The following TGM6 variants were observed in gnomAD, a reference collection of about 807,000 sequenced individuals.
TGM6 encodes the protein protein-glutamine gamma-glutamyltransferase 6.
TGM6 carries 74 observed loss-of-function variants against 77.5 expected under a neutral mutation model. The ratio of observed to expected loss-of-function variants is 0.96; its 90% CI spans 0.79 to 1.16. TGM6 has a LOEUF of 1.16. Among genes scored for constraint, TGM6 ranks in the 50% most tolerant of loss-of-function variants. The pLI, the probability that TGM6 is intolerant of heterozygous loss-of-function variation, is 0.00. For synonymous variants in TGM6, 383 were observed against 378.9 expected (o/e 1.01, Z -0.12); for missense variants, 968 against 940.2 (o/e 1.03, Z -0.39).
intron 1 of TGM6, among the ~76,000 whole-genome samples, chr20:2,385,735 G>A (rs1180396618): frequency 2.0e-5 from 3 of 152,140 alleles, no homozygotes; most frequent in Non-Finnish European, 4.4e-5. Flanking sequence ...CCTCGAGGGC[G>A]GGCCCAAGGA....
chr20:2,386,937 A>G (rs1469216379), intron 1 of TGM6, among the ~76,000 whole-genome samples: 1 of 152,186 alleles, frequency 6.6e-6, no homozygotes, highest in Admixed American at 6.5e-5. Flanking sequence ...ATTACCATCC[A>G]GCAACCTCGT....
intron 10 of TGM6, among the ~76,000 whole-genome samples, chr20:2,426,499 A>G (rs890682607): frequency 6.6e-6 from 1 of 152,050 alleles, no homozygotes; most frequent in African/African-American, 2.4e-5. Context: ...ATCTGTATAC[A>G]TTTTATTTCC....
chr20:2,399,290 C>A (rs1192351013), intron 5 of TGM6, among the ~76,000 whole-genome samples: 1 of 152,106 alleles, frequency 6.6e-6, no homozygotes, highest in Non-Finnish European at 1.5e-5. Flanking sequence ...TGCCAACAGT[C>A]CCCCAAAACA....
intron 10 of TGM6, among the ~76,000 whole-genome samples, chr20:2,418,748 T>A (rs1362188474): frequency 6.6e-6 from 1 of 152,220 alleles, no homozygotes; most frequent in Admixed American, 6.5e-5. Context: ...GGTTTTTGTA[T>A]TTTTTTAACT....
rs368673232 is a variant in TGM6, at chr20:2,432,562, G to A, written c.2040G>A (p.Arg680=). ...FDITPSKSGP[R]QLQVDLVSPH... Reference sequence around the variant, plus strand: ...TCACCCCCTCCAAAAGTGGCCCAAGGCAGCTGCAGGTGGACCTTGTAAGCC... The same window carrying A: ...TCACCCCCTCCAAAAGTGGCCCAAGACAGCTGCAGGTGGACCTTGTAAGCC... The change falls in exon 13 of 13, where the codon AGG becomes AGA. Residue 680 remains arginine (R), a synonymous_variant. Coordinates refer to ENST00000202625, the MANE Select transcript of TGM6 (RefSeq NM_198994.3). 8.1e-6 allele frequency: 13 copies of A among 1,613,988 alleles called. No individual in the cohort carries two copies. The Admixed American group carries it at 1.3e-4, about 17-fold the overall frequency.
chr20:2,407,729 C>T (rs1174118631), intron 9 of TGM6, among the ~76,000 whole-genome samples: 2 of 152,228 alleles, frequency 1.3e-5, no homozygotes, highest in African/African-American at 4.8e-5. Flanking sequence ...GCAGTCTACT[C>T]TTAGGGCCTC....
At chr20:2,396,646 A>G (rs1219529649) in intron 4 of TGM6, 22 bp downstream of exon 4, 5 of 1,611,764 alleles carry the variant, frequency 3.1e-6, no homozygotes, top group Non-Finnish European at 4.2e-6. Flanking sequence ...CACAGGCCAG[A>G]CAAGGATGTG....
At chr20:2,391,498 G>C (rs1226123434) in intron 1 of TGM6, among the ~76,000 whole-genome samples, 3 of 151,988 alleles carry the variant, frequency 2.0e-5, no homozygotes, top group Admixed American at 1.3e-4. Flanking sequence ...ACTGAGCTGT[G>C]AGGGGGTGGG....
At chr20:2,408,000 C>A (rs2122387614) in intron 9 of TGM6, among the ~76,000 whole-genome samples, 1 of 152,270 alleles carries the variant, frequency 6.6e-6, no homozygotes, top group East Asian at 1.9e-4. Context: ...CTAATTCGAC[C>A]AGGGCAGAAG....
At chr20:2,417,694 A>T in intron 10 of TGM6, 121 bp downstream of exon 10, 1 of 1,167,648 alleles carries the variant, frequency 8.6e-7, no homozygotes, top group South Asian at 1.3e-5. Context: ...GACATTCCTG[A>T]GCATTGTGCT....
In TGM6 at chr20:2,430,457, C is replaced by T. The variant is rs200674917; in HGVS notation, c.1690C>T (p.Pro564Ser). 5.0e-4 allele frequency: 805 copies of T among 1,614,146 alleles called. 1 individual carries two copies. Among genetic ancestry groups the T allele is most frequent in the Admixed American group, 6.8e-4 (41 of 60,020 alleles). The change falls in exon 11 of 13, where the codon CCA becomes TCA. Residue 564 changes from proline (P) to serine (S), a missense_variant. Pro to Ser is a moderately conservative substitution (Grantham distance 74). Coordinates refer to ENST00000202625, the MANE Select transcript of TGM6 (RefSeq NM_198994.3). ...GCTTTCCCTTCCAGAGAAGAGAATC[C>T]CAATTACAATATCTTACTCTAAGTA... is the stretch of plus-strand genomic sequence containing the variant. ...RLGPQEEKRIPITISYSKYKE... is the reference protein window; with the variant it reads ...RLGPQEEKRISITISYSKYKE...
At chr20:2,407,122 G>A (rs372916185) in intron 9 of TGM6, among the ~76,000 whole-genome samples, 15 of 152,266 alleles carry the variant, frequency 9.9e-5, no homozygotes, top group African/African-American at 3.6e-4. Flanking sequence ...GAACTCTCCT[G>A]CAGAACCCAG....
At chr20:2,402,744 C>T (rs985737543) in intron 7 of TGM6, among the ~76,000 whole-genome samples, 1 of 152,254 alleles carries the variant, frequency 6.6e-6, no homozygotes, top group Non-Finnish European at 1.5e-5. Context: ...ATCTTTAACA[C>T]GGGGAATTAA....
intron 1 of TGM6, among the ~76,000 whole-genome samples, chr20:2,389,380 A>G (rs2084616209): frequency 6.6e-6 from 1 of 151,984 alleles, no homozygotes; most frequent in South Asian, 2.1e-4. Context: ...CCCATAAGAA[A>G]CTCCAATTAA....
chr20:2,395,152 TC>T, intron 2 of TGM6, 41 bp from the exon 3 acceptor site: 1 of 1,604,800 alleles, frequency 6.2e-7, no homozygotes, highest in Non-Finnish European at 8.5e-7. Context: ...AAGCTGGGTT[TC>T]CCAGGGGAAG....
At chr20:2,404,446 T>A (rs2084736169) in intron 9 of TGM6, among the ~76,000 whole-genome samples, 1 of 152,208 alleles carries the variant, frequency 6.6e-6, no homozygotes, top group Non-Finnish European at 1.5e-5. Context: ...CCATTTCTGC[T>A]TGTTAAATCC....
chr20:2,402,392 T>A (rs559959169), intron 7 of TGM6, among the ~76,000 whole-genome samples: 1 of 152,252 alleles, frequency 6.6e-6, no homozygotes, highest in Admixed American at 6.5e-5. Context: ...TCAGACCATC[T>A]CTTTGCTCCC....
chr20:2,402,356 G>A (rs2084716487), intron 7 of TGM6, among the ~76,000 whole-genome samples: 1 of 152,100 alleles, frequency 6.6e-6, no homozygotes, highest in Admixed American at 6.5e-5. Flanking sequence ...AGCGTGCCAG[G>A]AGCCCTTCCC....
intron 10 of TGM6, among the ~76,000 whole-genome samples, chr20:2,424,073 G>A (rs1009571991): frequency 7.9e-5 from 12 of 152,284 alleles, no homozygotes; most frequent in African/African-American, 2.9e-4. Flanking sequence ...TGGACCACAG[G>A]CATAGTAGAT....
Sources: gnomAD v4.1 joint callset for allele counts (sites outside exome capture counted in the v4.1 genomes callset) on GRCh38, gnomAD v4.1.1 for gene constraint, MANE v1.5 for transcripts, NCBI Gene and HGNC (gene_info 2026-07-23, HGNC 2026-07-21) for gene names.